AGBL4: variants seen among roughly 807,000 people sequenced by gnomAD.
AGBL4 encodes AGBL carboxypeptidase 4, also known as cytosolic carboxypeptidase 6.
A neutral mutation model predicts 66.4 loss-of-function variants in AGBL4; 58 were observed. The ratio of observed to expected loss-of-function variants is 0.87; its 90% confidence interval spans 0.71 to 1.09. AGBL4 has a LOEUF of 1.09. Ranked by LOEUF, AGBL4 falls within the 50% of genes least tolerant of loss-of-function variation. The probability of loss-of-function intolerance (pLI) is 0.00; values close to 1 mark genes in which losing one functional copy is unlikely to be tolerated. For missense variants in AGBL4, 579 were observed against 631.0 expected (o/e 0.92, Z 0.88); for synonymous variants, 234 against 222.9 (o/e 1.05, Z -0.44).
chr1:49,525,340 C>A (rs1368697749), intron 3 of AGBL4, among the ~76,000 whole-genome samples: 1 of 151,932 alleles, frequency 6.6e-6, no homozygotes, highest in African/African-American at 2.4e-5. Context: ...TCAGGGAAAG[C>A]TTGCAGAAAA....
intron 9 of AGBL4, among the ~76,000 whole-genome samples, chr1:48,598,112 G>C (rs748833874): frequency 6.6e-6 from 1 of 152,180 alleles, no homozygotes; most frequent in Non-Finnish European, 1.5e-5. Flanking sequence ...AGGTTTGCAG[G>C]GTCCAGATCA....
At chr1:49,275,532 GAAT>G (rs1251189355) in intron 3 of AGBL4, among the ~76,000 whole-genome samples, 1 of 152,068 alleles carries the variant, frequency 6.6e-6, no homozygotes, top group Non-Finnish European at 1.5e-5. Context: ...GTCATGCCAA[GAAT>G]AATAAGACTA....
intron 6 of AGBL4, among the ~76,000 whole-genome samples, chr1:48,815,470 A>G (rs1646150852): frequency 6.6e-6 from 1 of 152,116 alleles, no homozygotes; most frequent in Non-Finnish European, 1.5e-5. Context: ...AGTCAGTAGG[A>G]ACTAATTTTG....
chr1:48,624,533 C>A (rs2148401270), intron 9 of AGBL4, among the ~76,000 whole-genome samples: 1 of 152,298 alleles, frequency 6.6e-6, no homozygotes, highest in Non-Finnish European at 1.5e-5. Context: ...AGGGGGTTTA[C>A]CCAGCTCTGT....
At chr1:48,941,358 G>C (rs1438655558) in intron 5 of AGBL4, among the ~76,000 whole-genome samples, 4 of 152,216 alleles carry the variant, frequency 2.6e-5, no homozygotes, top group Non-Finnish European at 5.9e-5. Context: ...GTTAATTTCT[G>C]GCACTGGGAT....
chr1:49,735,304 T>TGG (rs1649787062), intron 2 of AGBL4, among the ~76,000 whole-genome samples: 2 of 149,320 alleles, frequency 1.3e-5, no homozygotes, highest in Middle Eastern at 3.4e-3. Context: ...TGGGTGTGTG[T>TGG]GTGTGTGTGT....
At chr1:48,790,025 G>A (rs1387988563) in intron 6 of AGBL4, among the ~76,000 whole-genome samples, 11 of 152,210 alleles carry the variant, frequency 7.2e-5, no homozygotes, top group African/African-American at 2.6e-4. Context: ...ATTCACTTAG[G>A]GCCTGCACAT....
At chr1:49,721,604 T>C (rs920743224) in intron 2 of AGBL4, among the ~76,000 whole-genome samples, 2 of 152,118 alleles carry the variant, frequency 1.3e-5, no homozygotes, top group Non-Finnish European at 2.9e-5. Context: ...TTTTGAATTT[T>C]ATTATTAAAA....
At chr1:48,879,088 T>C (rs1170704191) in intron 5 of AGBL4, among the ~76,000 whole-genome samples, 3 of 152,120 alleles carry the variant, frequency 2.0e-5, no homozygotes, top group Non-Finnish European at 2.9e-5. Flanking sequence ...TAAATTAATT[T>C]TCCTGAAACA....
chr1:48,752,455 A>G (rs1457907962), intron 6 of AGBL4, among the ~76,000 whole-genome samples: 1 of 152,212 alleles, frequency 6.6e-6, no homozygotes, highest in African/African-American at 2.4e-5. Context: ...CAGACCAGTG[A>G]GTTTGAAATC....
At chr1:49,868,190 A>G (rs887262404) in intron 1 of AGBL4, among the ~76,000 whole-genome samples, 1 of 152,178 alleles carries the variant, frequency 6.6e-6, no homozygotes, top group Non-Finnish European at 1.5e-5. Context: ...ATGGAAATGA[A>G]CATACTGCCC....
intron 6 of AGBL4, among the ~76,000 whole-genome samples, chr1:48,744,036 G>T (rs955540680): frequency 6.6e-6 from 1 of 152,176 alleles, no homozygotes; most frequent in African/African-American, 2.4e-5. Flanking sequence ...ACTCATCCTG[G>T]TAGAGATTTC....
intron 3 of AGBL4, among the ~76,000 whole-genome samples, chr1:49,248,082 G>T (rs1401510170): frequency 6.6e-6 from 1 of 152,106 alleles, no homozygotes; most frequent in Non-Finnish European, 1.5e-5. Context: ...GTGGTGGAGA[G>T]ATTCAAAATT....
intron 6 of AGBL4, among the ~76,000 whole-genome samples, chr1:48,863,254 GTTAAGGTTA>G (rs1252583342): frequency 6.6e-6 from 1 of 152,060 alleles, no homozygotes; most frequent in Non-Finnish European, 1.5e-5. Flanking sequence ...CATATAACCA[GTTAAGGTTA>G]GAAATAAAAT....
rs549023372 is a variant in AGBL4, at chr1:49,880,544, G to A, written c.35-29026C>T. Reference sequence around the variant, plus strand: ...TCAGATCTCCAGCTGCGTGCTGGGAGAACCACTGCTCTCTTCAAAGCTGTC... The same window carrying A: ...TCAGATCTCCAGCTGCGTGCTGGGAAAACCACTGCTCTCTTCAAAGCTGTC... On this transcript the variant is annotated intron_variant, in intron 1 of 13. Coordinates refer to ENST00000371839, the MANE Select transcript of AGBL4 (RefSeq NM_032785.4). Among the ~76,000 whole-genome samples, 19 of 152,108 alleles carry A rather than the reference G, an allele frequency of 1.2e-4. 2 individuals are homozygous for A. In the South Asian group the frequency reaches 3.9e-3, roughly 32 times the overall value.
At chr1:48,574,751 C>T (rs17104522) in intron 11 of AGBL4, among the ~76,000 whole-genome samples, 20,408 of 152,034 alleles carry the variant, frequency 0.13, 1,570 homozygotes, top group East Asian at 0.23. Context: ...CAGCTAAAGG[C>T]CCTTGTCTCA....
chr1:48,767,620 G>T (rs998530908), intron 6 of AGBL4, among the ~76,000 whole-genome samples: 4 of 152,108 alleles, frequency 2.6e-5, no homozygotes, highest in Non-Finnish European at 5.9e-5. Flanking sequence ...TGTGACTTTG[G>T]GATATGCTTC....
chr1:49,289,141 G>C (rs1173003889), intron 3 of AGBL4, among the ~76,000 whole-genome samples: 3 of 152,000 alleles, frequency 2.0e-5, no homozygotes, highest in Non-Finnish European at 4.4e-5. Context: ...TGGCAAAATA[G>C]AGGGAAGACA....
intron 2 of AGBL4, among the ~76,000 whole-genome samples, chr1:49,714,925 C>T (rs1272567960): frequency 6.6e-6 from 1 of 151,796 alleles, no homozygotes; most frequent in Non-Finnish European, 1.5e-5. Flanking sequence ...TCTATGCATC[C>T]TCACTAGCAT....
Sources: gnomAD v4.1 joint callset for allele counts (sites outside exome capture counted in the v4.1 genomes callset) on GRCh38, gnomAD v4.1.1 for gene constraint, MANE v1.5 for transcripts, NCBI Gene and HGNC (gene_info 2026-07-23, HGNC 2026-07-21) for gene names.